Variants in IRAK2 observed in about 807,000 individuals in gnomAD.
IRAK2 encodes the protein interleukin-1 receptor-associated kinase-like 2.
A neutral mutation model predicts 72.0 loss-of-function variants in IRAK2; 57 were observed. The ratio of observed to expected loss-of-function variants is 0.79; its 90% CI spans 0.64 to 0.99. The LOEUF (loss-of-function observed/expected upper bound fraction) is 0.99, where lower values mean the gene tolerates loss of function less well. Among genes scored for constraint, IRAK2 ranks in the 50% least tolerant of loss-of-function variants. The probability of loss-of-function intolerance (pLI) is 0.00; values close to 1 mark genes in which losing one functional copy is unlikely to be tolerated. For synonymous variants in IRAK2, 293 were observed against 312.7 expected, an observed-to-expected ratio of 0.94 and a Z score of 0.67; for missense variants, 790 against 794.4, an observed-to-expected ratio of 0.99 and a Z score of 0.07.
intron 2 of IRAK2, among the ~76,000 whole-genome samples, chr3:10,196,924 G>A (rs1334600218): frequency 1.3e-5 from 2 of 152,112 alleles, no homozygotes; most frequent in East Asian, 1.9e-4. Context: ...CAGGGCAAAC[G>A]CTACTCACAC....
In IRAK2 at chr3:10,205,531, A is replaced by G. The variant is rs554043384; in HGVS notation, c.425-4058A>G. Among the ~76,000 whole-genome samples the G allele has an allele frequency of 2.0e-5, 3 of 152,310 alleles. No individual in the cohort carries two copies. In the South Asian group the frequency reaches 6.2e-4, roughly 32 times the overall value. ...AGATAGGAAACTCATGACTTGTGTG[A>G]GGCAAGCTCTGACCTCAGATTTACT... On this transcript the variant is annotated intron_variant, in intron 3 of 12. Coordinates refer to ENST00000256458, the MANE Select transcript of IRAK2 (RefSeq NM_001570.4).
At chr3:10,203,565 G>A (rs1697395982) in intron 3 of IRAK2, among the ~76,000 whole-genome samples, 1 of 152,208 alleles carries the variant, frequency 6.6e-6, no homozygotes, top group Non-Finnish European at 1.5e-5. Context: ...TGATCCCTGT[G>A]ATACCCTGGC....
At chr3:10,213,093 A>G (rs141693907) in intron 4 of IRAK2, 114 bp from the exon 5 acceptor site, 18 of 870,932 alleles carry the variant, frequency 2.1e-5, no homozygotes, top group African/African-American at 1.9e-4. Context: ...TACAGTTTCC[A>G]TTGGATAAGT....
chr3:10,170,764 A>C (rs950081540), intron 1 of IRAK2, among the ~76,000 whole-genome samples: 2 of 152,126 alleles, frequency 1.3e-5, no homozygotes, highest in African/African-American at 4.8e-5. Flanking sequence ...GCCCACTCTT[A>C]CCCATTGGAG....
At chr3:10,235,829 A>T (rs1471394963) in intron 11 of IRAK2, among the ~76,000 whole-genome samples, 3 of 152,200 alleles carry the variant, frequency 2.0e-5, no homozygotes, top group African/African-American at 7.2e-5. Context: ...CTGGACTCCC[A>T]GTTCAGCCTT....
rs575879303 is a variant in IRAK2, at chr3:10,166,752, C to T, written c.94+1704C>T. On this transcript the variant is annotated intron_variant, in intron 1 of 12. Coordinates refer to ENST00000256458, the MANE Select transcript of IRAK2 (RefSeq NM_001570.4). ...TTCCGCCTCTTGGATTCAAGTGATT[C>T]TCTTGCCTCAGCCTCCCGAGTAGCT... is the stretch of plus-strand genomic sequence containing the variant. 4.8e-4 allele frequency among the ~76,000 whole-genome samples: 73 copies of T among 152,048 alleles called. 1 individual carries two copies. Among genetic ancestry groups the T allele is most frequent in the Admixed American group, 1.9e-3 (29 of 15,160 alleles).
intron 2 of IRAK2, among the ~76,000 whole-genome samples, chr3:10,182,080 C>T (rs1197150205): frequency 6.7e-6 from 1 of 148,932 alleles, no homozygotes; most frequent in African/African-American, 2.5e-5. Flanking sequence ...CGATTCTCTT[C>T]CCTCAGCCTC....
At chr3:10,202,349 C>T (rs1381167174) in intron 3 of IRAK2, among the ~76,000 whole-genome samples, 1 of 152,148 alleles carries the variant, frequency 6.6e-6, no homozygotes, top group Non-Finnish European at 1.5e-5. Context: ...GCCAGCCGGG[C>T]GTGGTAGCTC....
At chr3:10,172,343 G>A (rs576616986) in intron 1 of IRAK2, among the ~76,000 whole-genome samples, 2 of 151,988 alleles carry the variant, frequency 1.3e-5, no homozygotes, top group Admixed American at 1.3e-4. Context: ...CTCCAGCCTG[G>A]GCGACAGAGC....
chr3:10,235,407 C>T (rs899861694), intron 11 of IRAK2, among the ~76,000 whole-genome samples: 1 of 151,954 alleles, frequency 6.6e-6, no homozygotes, highest in Non-Finnish European at 1.5e-5. Context: ...AAGTAATTCT[C>T]TTGCCTCAGC....
intron 3 of IRAK2, among the ~76,000 whole-genome samples, chr3:10,201,768 C>T (rs1018395265): frequency 6.6e-6 from 1 of 152,204 alleles, no homozygotes; most frequent in Non-Finnish European, 1.5e-5. Context: ...CTGTCTCCTG[C>T]GGCCTCCTGA....
intron 3 of IRAK2, among the ~76,000 whole-genome samples, chr3:10,209,071 G>C (rs1697478007): frequency 1.3e-5 from 2 of 152,016 alleles, no homozygotes; most frequent in Admixed American, 1.3e-4. Context: ...CACTTCCTCT[G>C]TGAACCCTCC....
At chr3:10,226,041 T>C (rs946050132) in intron 9 of IRAK2, among the ~76,000 whole-genome samples, 2 of 152,168 alleles carry the variant, frequency 1.3e-5, no homozygotes, top group African/African-American at 2.4e-5. Flanking sequence ...AAAAATAGTG[T>C]ATATATACGT....
intron 10 of IRAK2, among the ~76,000 whole-genome samples, chr3:10,233,309 C>T (rs970477026): frequency 6.6e-5 from 10 of 152,090 alleles, no homozygotes; most frequent in East Asian, 3.9e-4. Flanking sequence ...GTCTCGGCCT[C>T]GCAAAGTGCT....
In IRAK2 at chr3:10,198,326, C is replaced by T. The variant is rs139123610; in HGVS notation, c.278-2043C>T. 4.2e-4 allele frequency among the ~76,000 whole-genome samples: 64 copies of T among 152,364 alleles called. 1 individual carries two copies. Among genetic ancestry groups the T allele is most frequent in the Admixed American group, 7.2e-4 (11 of 15,300 alleles). On this transcript the variant is annotated intron_variant, in intron 2 of 12. Transcript: ENST00000256458. ...CCTTGTTGTTATTTTTGTGCATTCC[C>T]GATGTCTCCCCAACTCCTCCCACCC... is the stretch of plus-strand genomic sequence containing the variant.
chr3:10,231,100 C>T (rs532024828), intron 10 of IRAK2, among the ~76,000 whole-genome samples: 2 of 152,042 alleles, frequency 1.3e-5, no homozygotes, highest in East Asian at 3.9e-4. Context: ...TGTTACGTTG[C>T]CCAGGCTGAT....
chr3:10,200,039 C>T (rs1467743693), intron 2 of IRAK2, among the ~76,000 whole-genome samples: 1 of 152,058 alleles, frequency 6.6e-6, no homozygotes, highest in Non-Finnish European at 1.5e-5. Context: ...AGCCGTGTGC[C>T]ACCATGCCCA....
At chr3:10,198,449 GGTGTTTCAATA>G (rs1357328838) in intron 2 of IRAK2, among the ~76,000 whole-genome samples, 4 of 152,182 alleles carry the variant, frequency 2.6e-5, no homozygotes, top group Admixed American at 2.6e-4. Flanking sequence ...TGATGGCAGT[GGTGTTTCAATA>G]GTTCTGCCCT....
At chr3:10,173,591 G>A (rs113058568) in intron 1 of IRAK2, among the ~76,000 whole-genome samples, 4 of 152,290 alleles carry the variant, frequency 2.6e-5, no homozygotes, top group Admixed American at 2.0e-4. Context: ...GGAGGCCAAG[G>A]AGGGTGGATC....
Sources: allele counts gnomAD v4.1 joint callset (sites outside exome capture counted in the v4.1 genomes callset), GRCh38; gene constraint gnomAD v4.1.1; transcripts MANE v1.5; gene names NCBI Gene and HGNC (gene_info 2026-07-23, HGNC 2026-07-21).